The following PVT1 variants were observed in gnomAD, a reference collection of about 807,000 sequenced individuals.
PVT1 encodes the protein Pvt1 oncogene.
intron 4 of PVT1, among the ~76,000 whole-genome samples, chr8:127,994,250 T>A (rs9693781): frequency 0.73 from 111,595 of 152,054 alleles, 42,512 homozygotes; most frequent in South Asian, 0.89. Flanking sequence ...GTGGGACGGG[T>A]TCTGCTGATG....
chr8:127,853,258 A>G (rs569364704), intron 2 of PVT1, among the ~76,000 whole-genome samples: 1 of 152,290 alleles, frequency 6.6e-6, no homozygotes, highest in Non-Finnish European at 1.5e-5. Flanking sequence ...GCTTCCTGGA[A>G]GAGGTGGAAC....
rs548469347 is a variant in PVT1 at position 127,928,570 on chromosome 8, G to A, written n.782+37572G>A. Among the ~76,000 whole-genome samples, 9 of 152,322 alleles carry A rather than the reference G, an allele frequency of 5.9e-5. No individual in the cohort carries two copies. In the East Asian group the frequency reaches 1.5e-3, roughly 26 times the overall value. On this transcript the variant is annotated intron_variant and non_coding_transcript_variant, in intron 3 of 10. Coordinates refer to ENST00000651587, the Ensembl canonical transcript of PVT1. ...AAAATTGGGACCTAAGCTCGATTCC[G>A]AGATTTAATCATGGCAGAGGAGTTT...
intron 3 of PVT1, among the ~76,000 whole-genome samples, chr8:127,914,260 CAAAAAAA>C (rs60359946): frequency 6.3e-5 from 3 of 47,864 alleles, no homozygotes; most frequent in African/African-American, 1.1e-4. Flanking sequence ...CCACCAACAG[CAAAAAAA>C]AAAAAAAAAA....
intron 3 of PVT1, among the ~76,000 whole-genome samples, chr8:127,916,693 C>T (rs1815989785): frequency 6.6e-6 from 1 of 152,128 alleles, no homozygotes; most frequent in African/African-American, 2.4e-5. Flanking sequence ...GGCGTGTGAT[C>T]CAGGTGAGAA....
chr8:127,901,562 T>C (rs1815759348), intron 3 of PVT1, among the ~76,000 whole-genome samples: 4 of 152,274 alleles, frequency 2.6e-5, no homozygotes, highest in South Asian at 2.1e-4. Context: ...CAAGGAATGA[T>C]TTTTTTCTTT....
At chr8:127,837,393 TTG>T (rs1389783238) in intron 2 of PVT1, among the ~76,000 whole-genome samples, 1 of 90,562 alleles carries the variant, frequency 1.1e-5, no homozygotes, top group Non-Finnish European at 2.3e-5. Flanking sequence ...TTTTTTGTTG[TTG>T]TTTTTTTTTT....
intron 4 of PVT1, among the ~76,000 whole-genome samples, chr8:128,034,187 T>C: frequency 6.9e-6 from 1 of 145,170 alleles, no homozygotes; most frequent in African/African-American, 2.5e-5. Flanking sequence ...CTCCTTCTCC[T>C]CCTCCTCTTC....
intron 6 of PVT1, chr8:128,096,777 G>A (rs182972819): frequency 1.3e-5 from 2 of 152,386 alleles, no homozygotes; most frequent in East Asian, 3.9e-4. Flanking sequence ...GATGTATGGT[G>A]GGTCATCCCT....
chr8:127,956,894 T>C (rs1816576510), intron 3 of PVT1, among the ~76,000 whole-genome samples: 1 of 152,240 alleles, frequency 6.6e-6, no homozygotes, highest in Non-Finnish European at 1.5e-5. Context: ...TATTTTTTCA[T>C]TTTTATTTTA....
intron 2 of PVT1, among the ~76,000 whole-genome samples, chr8:127,840,226 G>A (rs182665512): frequency 1.3e-5 from 2 of 152,294 alleles, no homozygotes; most frequent in East Asian, 3.9e-4. Flanking sequence ...ACTGCCATCA[G>A]GAGAACGTCT....
At chr8:128,001,841 C>T (rs1008780506) in intron 4 of PVT1, among the ~76,000 whole-genome samples, 9 of 152,160 alleles carry the variant, frequency 5.9e-5, no homozygotes, top group Admixed American at 4.6e-4. Flanking sequence ...GAGGAAGGGG[C>T]GAGAAAGCTT....
At chr8:127,937,801 C>G (rs1816297238) in intron 3 of PVT1, among the ~76,000 whole-genome samples, 1 of 152,152 alleles carries the variant, frequency 6.6e-6, no homozygotes, top group South Asian at 2.1e-4. Flanking sequence ...GGGCATCGAA[C>G]AAGGGCATTA....
intron 3 of PVT1, among the ~76,000 whole-genome samples, chr8:127,897,516 AAGGAAAGAAAG>A (rs1217884795): frequency 1.3e-5 from 2 of 150,712 alleles, no homozygotes; most frequent in African/African-American, 2.5e-5. Context: ...GGAAGGAAGG[AAGGAAAGAAAG>A]AGGAAAGAAA....
intron 4 of PVT1, among the ~76,000 whole-genome samples, chr8:128,066,144 G>A (rs1172328654): frequency 1.3e-5 from 2 of 152,246 alleles, no homozygotes; most frequent in Non-Finnish European, 2.9e-5. Context: ...TAAATTCCAT[G>A]TGACCTGAAA....
chr8:127,894,565 C>G (rs1217744600), intron 3 of PVT1, among the ~76,000 whole-genome samples: 1 of 152,164 alleles, frequency 6.6e-6, no homozygotes, highest in East Asian at 1.9e-4. Flanking sequence ...ATGAGCAATG[C>G]AAGATGATTT....
chr8:128,061,208 C>T (rs866619065), intron 4 of PVT1, among the ~76,000 whole-genome samples: 49 of 152,352 alleles, frequency 3.2e-4, no homozygotes, highest in African/African-American at 1.1e-3. Context: ...CATGCCTGGC[C>T]ATGGATTCGC....
At chr8:127,819,487 TC>T (rs1814705706) in intron 2 of PVT1, among the ~76,000 whole-genome samples, 1 of 152,210 alleles carries the variant, frequency 6.6e-6, no homozygotes, top group Non-Finnish European at 1.5e-5. Context: ...ATAAGTGTCT[TC>T]CCAAGGTTAA....
Position 127,937,570 on chromosome 8 carries a change from C to G in PVT1, n.782+46572C>G, listed in dbSNP as rs1411069080. ...AAAGACACACACACACACACACACACACACACACACAGAGAGAGAGAGAGA... is the reference window on the plus strand; with the variant it reads ...AAAGACACACACACACACACACACAGACACACACACAGAGAGAGAGAGAGA... On this transcript the variant is annotated intron_variant and non_coding_transcript_variant, in intron 3 of 10. Transcript: ENST00000651587. Among the ~76,000 whole-genome samples the G allele has an allele frequency of 2.4e-4, 25 of 105,062 alleles. No homozygotes were observed. The South Asian group carries it at 4.4e-3, about 19-fold the overall frequency. The allele number at this position is 105,062 out of a possible 152,430, so 68.9% of individuals were successfully genotyped here.
At chr8:127,863,521 G>C (rs1815252286) in intron 2 of PVT1, among the ~76,000 whole-genome samples, 1 of 152,188 alleles carries the variant, frequency 6.6e-6, no homozygotes, top group Non-Finnish European at 1.5e-5. Context: ...CAGTTTAAAA[G>C]TCATCTCTTC....
Sources: gnomAD v4.1 joint callset for allele counts (sites outside exome capture counted in the v4.1 genomes callset) on GRCh38, gnomAD v4.1.1 for gene constraint, MANE v1.5 for transcripts, NCBI Gene and HGNC (gene_info 2026-07-23, HGNC 2026-07-21) for gene names.